Variants in PI4KA observed in about 807,000 individuals in gnomAD.
PI4KA encodes the protein phosphatidylinositol 4-kinase alpha, also known as PI4-kinase alpha.
Under a neutral mutation model 271.4 loss-of-function variants are expected in PI4KA, and 122 were observed. That is an observed-to-expected ratio of 0.45 (90% CI 0.39 to 0.52). The LOEUF (loss-of-function observed/expected upper bound fraction) is 0.52, where lower values mean the gene tolerates loss of function less well. Ranked by LOEUF, PI4KA falls within the 20% of genes least tolerant of loss-of-function variation. The pLI, the probability that PI4KA is intolerant of heterozygous loss-of-function variation, is 0.00. For missense variants in PI4KA, 1,969 were observed against 2,769.1 expected (o/e 0.71, Z 6.48); for synonymous variants, 1,041 against 1,078.8 (o/e 0.96, Z 0.69).
chr22:20,824,276 T>A, intron 4 of PI4KA, 50 bp downstream of exon 4: 1 of 1,134,744 alleles, frequency 8.8e-7, no homozygotes, highest in Non-Finnish European at 1.3e-6. Context: ...ACTTTGGGAC[T>A]CTATTCAATC....
chr22:20,843,076 C>T (rs962975651), intron 1 of PI4KA, among the ~76,000 whole-genome samples: 12 of 139,796 alleles, frequency 8.6e-5, no homozygotes, highest in Non-Finnish European at 1.4e-4. Context: ...CCAGCCTGGG[C>T]GACAGAGCGA....
intron 7 of PI4KA, among the ~76,000 whole-genome samples, chr22:20,816,000 C>G (rs943270601): frequency 6.6e-6 from 1 of 151,868 alleles, no homozygotes; most frequent in Non-Finnish European, 1.5e-5. Context: ...AGTGCAGTGT[C>G]ACGATGTCTG....
intron 26 of PI4KA, 134 bp downstream of exon 26, chr22:20,751,540 A>C: frequency 1.0e-6 from 1 of 954,408 alleles, no homozygotes; most frequent in East Asian, 2.5e-5. Context: ...CTCACCCCCA[A>C]CTCGACACCT....
At chr22:20,787,272 A>C in intron 19 of PI4KA, 27 of 603,690 alleles carry the variant, frequency 4.5e-5, no homozygotes, top group East Asian at 1.1e-4. Flanking sequence ...CTGTAAGCTC[A>C]TAGAAGTCAC....
chr22:20,833,623 G>A (rs969468343), intron 3 of PI4KA, among the ~76,000 whole-genome samples: 1 of 151,698 alleles, frequency 6.6e-6, no homozygotes, highest in Non-Finnish European at 1.5e-5. Context: ...AGCAGACTGG[G>A]ACATGTTGCC....
chr22:20,831,775 G>A (rs758305850), intron 3 of PI4KA, among the ~76,000 whole-genome samples: 50 of 152,018 alleles, frequency 3.3e-4, no homozygotes, highest in Non-Finnish European at 6.5e-4. Context: ...TTAGACCTTG[G>A]AGAATCTGAT....
At chr22:20,730,168 G>A (rs1927847140) in intron 36 of PI4KA, among the ~76,000 whole-genome samples, 157 bp from the exon 37 acceptor site, 1 of 152,188 alleles carries the variant, frequency 6.6e-6, no homozygotes, top group African/African-American at 2.4e-5. Flanking sequence ...TGTCTGGATG[G>A]TGGGTTTTCC....
At position 20,846,818 on chromosome 22, in the gene PI4KA, G is replaced by A. The variant is rs1926315772; in HGVS notation, c.157-8087C>T. Among the ~76,000 whole-genome samples the A allele has an allele frequency of 2.2e-5, 3 of 135,072 alleles. No homozygotes were observed. In the South Asian group the frequency reaches 7.4e-4, roughly 33 times the overall value. 88.6% of individuals were successfully genotyped at this position (135,072 alleles called of 152,430 possible). Reference sequence around the variant, plus strand: ...AGATCACCACAGTGCATTCCAGCATGGGCAATAGTGCAGGCTCAAAAAAAA... The same window carrying A: ...AGATCACCACAGTGCATTCCAGCATAGGCAATAGTGCAGGCTCAAAAAAAA... On this transcript the variant is annotated intron_variant, in intron 1 of 54. Transcript: ENST00000255882.
At position 20,718,751 on chromosome 22, in the gene PI4KA, A is replaced by G; in HGVS notation, c.5188T>C (p.Phe1730Leu). ...TGSLSGPAKD[F>L]YQREFDFFNK... ...AAGAAATCAAACTCCCGCTGGTAAA[A>G]GTCCTTCGCTGGGCCGGACAAGGAG... Residue 1730 changes from phenylalanine (F) to leucine (L), a missense_variant, in exon 44 of 55, where the codon TTT becomes CTT. Phe to Leu is a conservative substitution (Grantham distance 22). This residue lies in a region of PI4KA where 388 missense variants were observed against 521.5 expected (regional missense o/e 0.74). Coordinates refer to ENST00000255882, the MANE Select transcript of PI4KA (RefSeq NM_058004.4). 6.2e-7 allele frequency: 1 copy of G among 1,614,052 alleles called. No homozygotes were observed. Among genetic ancestry groups the G allele is most frequent in the African/African-American group, 1.3e-5 (1 of 75,054 alleles).
At chr22:20,815,330 A>C (rs964100939) in intron 7 of PI4KA, among the ~76,000 whole-genome samples, 1 of 150,390 alleles carries the variant, frequency 6.6e-6, no homozygotes, top group Non-Finnish European at 1.5e-5. Context: ...GCAGTGAGCC[A>C]AGATTGCACC....
chr22:20,718,147 G>A (rs983545387), intron 44 of PI4KA, among the ~76,000 whole-genome samples: 2 of 152,204 alleles, frequency 1.3e-5, no homozygotes, highest in Non-Finnish European at 2.9e-5. Flanking sequence ...GCCCAGAAAA[G>A]GACCTCAAAG....
chr22:20,792,957 C>G (rs1934745509), intron 19 of PI4KA, among the ~76,000 whole-genome samples: 2 of 152,178 alleles, frequency 1.3e-5, no homozygotes, highest in South Asian at 4.1e-4. Context: ...GTGCCCTTGT[C>G]AATTGGTTGA....
At chr22:20,729,195 C>T in intron 39 of PI4KA, 118 bp downstream of exon 39, 1 of 837,912 alleles carries the variant, frequency 1.2e-6, no homozygotes, top group African/African-American at 1.7e-5. Flanking sequence ...AGACTACTTC[C>T]TGACTATCCT....
At chr22:20,850,347 A>T (rs956285955) in intron 1 of PI4KA, among the ~76,000 whole-genome samples, 3 of 151,966 alleles carry the variant, frequency 2.0e-5, no homozygotes, top group South Asian at 2.1e-4. Context: ...ACTAGCCTGG[A>T]ACCCCGTCTC....
At chr22:20,759,380 AT>A (rs1285787461) in intron 23 of PI4KA, among the ~76,000 whole-genome samples, 5 of 113,916 alleles carry the variant, frequency 4.4e-5, no homozygotes, top group Non-Finnish European at 7.8e-5. Context: ...TGAAGCGTTG[AT>A]TTTTCTTTTT....
chr22:20,805,511 C>T (rs370555728), intron 10 of PI4KA, among the ~76,000 whole-genome samples: 2 of 152,142 alleles, frequency 1.3e-5, no homozygotes, highest in African/African-American at 4.8e-5. Context: ...ATATGAGATA[C>T]TTCTGTGATT....
chr22:20,767,793 C>T (rs956106757), intron 19 of PI4KA, among the ~76,000 whole-genome samples: 4 of 151,946 alleles, frequency 2.6e-5, no homozygotes, highest in Non-Finnish European at 4.4e-5. Context: ...CACCACTATG[C>T]TCAGCTAATT....
rs1285688407 is a variant in PI4KA at position 20,858,561 on chromosome 22, C to T, written c.156+9G>A. The T allele has an allele frequency of 3.6e-6, 5 of 1,374,732 alleles. No individual in the cohort carries two copies. The African/African-American group carries it at 6.0e-5, about 16-fold the overall frequency. 85.2% of individuals were successfully genotyped at this position (1,374,732 alleles called of 1,614,324 possible). On this transcript the variant is annotated intron_variant, in intron 1 of 54. Coordinates refer to ENST00000255882, the MANE Select transcript of PI4KA (RefSeq NM_058004.4). ...CCTGTCAGCCCGCGGCCCAGCCCGC[C>T]GACGTTACCTTCTCCAAGGATGCTG...
chr22:20,765,017 G>A, intron 21 of PI4KA, 67 bp from the exon 22 acceptor site: 2 of 1,578,956 alleles, frequency 1.3e-6, no homozygotes, highest in Non-Finnish European at 1.7e-6. Context: ...CCAGTGGCTG[G>A]CAACATGTGT....
Sources: gnomAD v4.1 joint callset for allele counts (sites outside exome capture counted in the v4.1 genomes callset) on GRCh38, gnomAD v4.1.1 for gene constraint, gnomAD v4.1.1 regional missense constraint, MANE v1.5 for transcripts, NCBI Gene and HGNC (gene_info 2026-07-23, HGNC 2026-07-21) for gene names.